The following ROR2 variants were observed in gnomAD, a reference collection of about 807,000 sequenced individuals.
ROR2 encodes ROR family WNT receptor 2, also known as tyrosine-protein kinase transmembrane receptor ROR2.
ROR2 carries 33 observed loss-of-function variants against 74.9 expected under a neutral mutation model. That is an observed-to-expected ratio of 0.44 (90% CI 0.33 to 0.59). ROR2 has a LOEUF of 0.59. Ranked by LOEUF, ROR2 falls within the 20% of genes least tolerant of loss-of-function variation. The probability of loss-of-function intolerance (pLI) is 0.02; values close to 1 mark genes in which losing one functional copy is unlikely to be tolerated. For synonymous variants in ROR2, 586 were observed against 558.7 expected, an observed-to-expected ratio of 1.05 and a Z score of -0.69; for missense variants, 1,216 against 1,313.8, an observed-to-expected ratio of 0.93 and a Z score of 1.15.
intron 1 of ROR2, among the ~76,000 whole-genome samples, chr9:91,912,557 C>T (rs905404444): frequency 1.3e-5 from 2 of 152,014 alleles, no homozygotes; most frequent in African/African-American, 2.4e-5. Flanking sequence ...TAAAAGTATG[C>T]TTCTGTGTAT....
At chr9:91,816,737 T>C (rs775642545) in intron 1 of ROR2, among the ~76,000 whole-genome samples, 1 of 121,800 alleles carries the variant, frequency 8.2e-6, no homozygotes, top group Non-Finnish European at 1.6e-5. Flanking sequence ...TGGTTCTACA[T>C]ATTTCCAGAG....
At chr9:91,917,462 A>T (rs941138939) in intron 1 of ROR2, among the ~76,000 whole-genome samples, 10 of 152,196 alleles carry the variant, frequency 6.6e-5, no homozygotes, top group African/African-American at 2.4e-4. Context: ...GAGGGCAGGG[A>T]AGCTCGTGTG....
chr9:91,885,316 G>A (rs1185779145), intron 1 of ROR2, among the ~76,000 whole-genome samples: 3 of 152,278 alleles, frequency 2.0e-5, no homozygotes, highest in East Asian at 1.9e-4. Context: ...GGGGTTGGGG[G>A]GCGGTAGGGC....
intron 2 of ROR2, among the ~76,000 whole-genome samples, chr9:91,766,225 A>G (rs1286942144): frequency 6.6e-6 from 1 of 152,212 alleles, no homozygotes. Flanking sequence ...TTACAACTCC[A>G]TGACGCCTTC....
intron 1 of ROR2, among the ~76,000 whole-genome samples, chr9:91,811,649 T>G (rs1342740775): frequency 6.6e-6 from 1 of 152,152 alleles, no homozygotes; most frequent in Admixed American, 6.5e-5. Context: ...GGCCACCATT[T>G]CCTGGCCACA....
intron 1 of ROR2, among the ~76,000 whole-genome samples, chr9:91,915,733 A>T (rs1185747878): frequency 6.6e-6 from 1 of 152,126 alleles, no homozygotes; most frequent in Non-Finnish European, 1.5e-5. Flanking sequence ...ACAAACCTCT[A>T]GCTAACCACA....
intron 4 of ROR2, among the ~76,000 whole-genome samples, chr9:91,748,500 GA>G (rs1182651770): frequency 1.3e-5 from 2 of 151,810 alleles, no homozygotes; most frequent in East Asian, 1.9e-4. Flanking sequence ...TTCCCCCATG[GA>G]AAAAAAATCC....
rs1056691051 is a variant in ROR2 at position 91,757,299 on chromosome 9, C to T, written c.436G>A (p.Ala146Thr). 12 of 1,613,874 alleles carry T rather than the reference C, an allele frequency of 7.4e-6. No individual in the cohort carries two copies. Among genetic ancestry groups the T allele is most frequent in the Non-Finnish European group, 9.3e-6 (11 of 1,180,026 alleles). The part of the protein sequence containing the change: ...VATNGMKTIT[A>T]TGVLFVRLGP... ...AGCCGCACAAACAGGACGCCAGTGGCGGTAATGGTCTTCATCCCGTTGGTG... is the reference window on the plus strand; with the variant it reads ...AGCCGCACAAACAGGACGCCAGTGGTGGTAATGGTCTTCATCCCGTTGGTG... Residue 146 changes from alanine to threonine, a missense_variant, in exon 3 of 9, where the codon GCC becomes ACC. Coordinates refer to ENST00000375708, the MANE Select transcript of ROR2 (RefSeq NM_004560.4).
intron 4 of ROR2, among the ~76,000 whole-genome samples, chr9:91,749,936 C>A (rs1825549204): frequency 6.6e-6 from 1 of 152,126 alleles, no homozygotes; most frequent in South Asian, 2.1e-4. Context: ...AAGTATTGTT[C>A]TGTCGCCCAG....
intron 1 of ROR2, among the ~76,000 whole-genome samples, chr9:91,786,322 G>GTCAA (rs139592847): frequency 3.4e-4 from 51 of 147,914 alleles, no homozygotes; most frequent in East Asian, 5.9e-4. Context: ...GCAAGACTCT[G>GTCAA]TCAATCAATC....
chr9:91,856,057 G>T (rs1348736141), intron 1 of ROR2, among the ~76,000 whole-genome samples: 1 of 152,150 alleles, frequency 6.6e-6, no homozygotes, highest in Non-Finnish European at 1.5e-5. Flanking sequence ...AAAGAAAAAC[G>T]AATTGTCCTT....
intron 2 of ROR2, among the ~76,000 whole-genome samples, chr9:91,764,371 T>A (rs6479373): frequency 0.027 from 4,064 of 152,280 alleles, 168 homozygotes; most frequent in African/African-American, 0.092. Flanking sequence ...GTTTTATTTT[T>A]AATATTTCCA....
At chr9:91,926,564 G>T in intron 1 of ROR2, among the ~76,000 whole-genome samples, 1 of 125,880 alleles carries the variant, frequency 7.9e-6, no homozygotes, top group South Asian at 2.7e-4. Flanking sequence ...AAAAAAAGAA[G>T]ACATCCTATA....
rs564511122 is a variant in ROR2 at position 91,914,057 on chromosome 9, CA to C, written c.97+35809del. On this transcript the variant is annotated intron_variant, in intron 1 of 8. Transcript: ENST00000375708. ...TTTCCAGCCAGAAACTCTTGCCAACCAAAAAAAAATCTCATGCTGTTATTCC... is the reference window on the plus strand; with the variant it reads ...TTTCCAGCCAGAAACTCTTGCCAACCAAAAAAAATCTCATGCTGTTATTCC... Among the ~76,000 whole-genome samples the C allele has an allele frequency of 1.0e-3, 157 of 150,694 alleles. 1 individual carries two copies. The highest frequency in any genetic ancestry group is 3.3e-3 in the African/African-American group (136 of 40,912).
At chr9:91,824,585 G>A (rs752287148) in intron 1 of ROR2, among the ~76,000 whole-genome samples, 18 of 152,216 alleles carry the variant, frequency 1.2e-4, no homozygotes, top group Non-Finnish European at 2.4e-4. Context: ...AACAGAGGAC[G>A]ATGAAATGCA....
chr9:91,723,801 T>C lies in ROR2; in HGVS notation c.2693A>G (p.Gln898Arg). Residue 898 changes from glutamine (Q) to arginine (R), a missense_variant, in exon 9 of 9, where the codon CAG (glutamine) becomes CGG (arginine). Transcript: ENST00000375708. The part of the protein sequence containing the change: ...ALLSEGADDT[Q>R]NAPEDGAQST... ...CTGGGCCCCATCTTCTGGGGCGTTC[T>C]GTGTGTCATCAGCGCCCTCTGAGAG... is the stretch of plus-strand genomic sequence containing the variant. The C allele has an allele frequency of 6.2e-7, 1 of 1,613,920 alleles. No homozygotes were observed.
At chr9:91,818,166 A>G (rs1187924403) in intron 1 of ROR2, among the ~76,000 whole-genome samples, 2 of 152,226 alleles carry the variant, frequency 1.3e-5, no homozygotes, top group Non-Finnish European at 2.9e-5. Flanking sequence ...TTCCAAGAAC[A>G]TGGACCAACA....
intron 1 of ROR2, among the ~76,000 whole-genome samples, chr9:91,904,059 G>A (rs1046069508): frequency 2.0e-5 from 3 of 151,028 alleles, no homozygotes; most frequent in African/African-American, 7.3e-5. Flanking sequence ...TTTGGGGGGG[G>A]GGACAGAGTC....
chr9:91,802,328 G>A (rs754583217), intron 1 of ROR2, among the ~76,000 whole-genome samples: 3 of 151,826 alleles, frequency 2.0e-5, no homozygotes, highest in Admixed American at 6.6e-5. Flanking sequence ...CGCCTGCCTC[G>A]GCCTCTCAAA....
Sources: gnomAD v4.1 joint callset for allele counts (sites outside exome capture counted in the v4.1 genomes callset) on GRCh38, gnomAD v4.1.1 for gene constraint, MANE v1.5 for transcripts, NCBI Gene and HGNC (gene_info 2026-07-23, HGNC 2026-07-21) for gene names.